Variants in TSTD1 observed in about 807,000 individuals in gnomAD.
TSTD1 encodes thiosulfate:glutathione sulfurtransferase.
In TSTD1, 7 loss-of-function variants were observed where a neutral mutation model predicts 12.6. The observed-to-expected ratio is 0.55, with a 90% CI of 0.32 to 1.04. The LOEUF is 1.04. TSTD1 is among the 50% of genes least tolerant of loss of function. TSTD1 has a pLI of 0.05. For synonymous variants in TSTD1, 73 were observed against 59.7 expected (o/e 1.22, Z -1.03); for missense variants, 156 against 151.0 (o/e 1.03, Z -0.17).
intron 1 of TSTD1, 81 bp from the exon 2 acceptor site, chr1:161,038,754 C>A: frequency 6.6e-7 from 1 of 1,519,556 alleles, no homozygotes; most frequent in Non-Finnish European, 8.9e-7. Context: ...CCTGGCAGCG[C>A]CCCTCCCGGT....
At position 161,037,904 on chromosome 1, in the gene TSTD1, TC is replaced by T. The variant is rs1650289732; in HGVS notation, c.296+8del. 1.3e-6 allele frequency: 2 copies of T among 1,551,568 alleles called. No individual in the cohort carries two copies. Among genetic ancestry groups the T allele is most frequent in the African/African-American group, 2.7e-5 (2 of 73,004 alleles). ...TCACCTCCCAGCTAGCAGCCACACC[TC>T]CCCGTACCCAGTGTATCCAAGACTC... On this transcript the variant is annotated splice_region_variant and intron_variant, in intron 3 of 3. Transcript: ENST00000423014.
rs758803632 is a variant in TSTD1 at position 161,038,065 on chromosome 1, C to T, written c.144G>A (p.Leu48=). ...PGALNIPVSE[L]ESALQMEPAA... ...CTGGCTCCATCTGCAGAGCACTCTCCAACTCGGACACTGGAGGAGTGGAGA... is the reference window on the plus strand; with the variant it reads ...CTGGCTCCATCTGCAGAGCACTCTCTAACTCGGACACTGGAGGAGTGGAGA... Residue 48 remains leucine (L), a synonymous_variant, in exon 3 of 4, where the codon TTG becomes TTA. Coordinates refer to ENST00000423014, the MANE Select transcript of TSTD1 (RefSeq NM_001113207.2). 2 of 1,551,540 alleles carry T rather than the reference C, an allele frequency of 1.3e-6. No homozygotes were observed. The highest frequency in any genetic ancestry group is 2.4e-5 in the South Asian group (2 of 84,054).
Position 161,038,922 on chromosome 1 carries a change from C to A in TSTD1, c.-33G>T. Reference sequence around the variant, plus strand: ...GTAGCAACCGCGAGTCTCCGGAGTGCGGCCCTGGCCCGCCCTCTCGGCGCC... The same window carrying A: ...GTAGCAACCGCGAGTCTCCGGAGTGAGGCCCTGGCCCGCCCTCTCGGCGCC... On this transcript the variant is annotated 5_prime_UTR_variant, in exon 1 of 4. Coordinates refer to ENST00000423014, the MANE Select transcript of TSTD1 (RefSeq NM_001113207.2). 1 of 1,548,856 alleles carries A rather than the reference C, an allele frequency of 6.5e-7. No individual in the cohort carries two copies. Among genetic ancestry groups the A allele is most frequent in the Non-Finnish European group, 8.7e-7 (1 of 1,144,862 alleles).
rs1650291601 is a variant in TSTD1 at position 161,037,942 on chromosome 1, C to T, written c.267G>A (p.Thr89=). 6.4e-7 allele frequency: 1 copy of T among 1,551,842 alleles called. No individual in the cohort carries two copies. The highest frequency in any genetic ancestry group is 8.7e-7 in the Non-Finnish European group (1 of 1,147,012). ...CQMGKRGLQA[T]QLARSLGYTG... Reference sequence around the variant, plus strand: ...TGTATCCAAGACTCCGGGCCAGCTGCGTGGCCTGGAGGCCCCGCTTGCCCA... The same window carrying T: ...TGTATCCAAGACTCCGGGCCAGCTGTGTGGCCTGGAGGCCCCGCTTGCCCA... The change falls in exon 3 of 4, where the codon ACG becomes ACA. Residue 89 remains threonine (T), a synonymous_variant. Coordinates refer to ENST00000423014, the MANE Select transcript of TSTD1 (RefSeq NM_001113207.2).
Position 161,037,923 on chromosome 1 carries a change from C to T in TSTD1, c.286G>A (p.Gly96Arg). Residue 96 changes from glycine to arginine, a missense_variant, in exon 3 of 4, where the codon GGA becomes AGA. Coordinates refer to ENST00000423014, the MANE Select transcript of TSTD1 (RefSeq NM_001113207.2). ...LQATQLARSLGYTGARNYAGA... is the reference protein window; with the variant it reads ...LQATQLARSLRYTGARNYAGA... ...CACACCTCCCCGTACCCAGTGTATC[C>T]AAGACTCCGGGCCAGCTGCGTGGCC... 1 of 1,551,856 alleles carries T rather than the reference C, an allele frequency of 6.4e-7. No homozygotes were observed. The highest frequency in any genetic ancestry group is 8.7e-7 in the Non-Finnish European group (1 of 1,147,034).
At chr1:161,038,327 CT>C (rs769984050) in intron 2 of TSTD1, 348 of 688,894 alleles carry the variant, frequency 5.1e-4, no homozygotes, top group Non-Finnish European at 7.5e-4. Context: ...TGGTCTGCCC[CT>C]CTCCTCTCCG....
intron 3 of TSTD1, 43 bp downstream of exon 3, chr1:161,037,870 C>T: frequency 6.4e-7 from 1 of 1,551,790 alleles, no homozygotes; most frequent in Non-Finnish European, 8.7e-7. Context: ...GAATGACAGG[C>T]AGTCCCCATC....
At chr1:161,037,890 C>T (rs1390502078) in intron 3 of TSTD1, 23 bp downstream of exon 3, 39 of 1,551,662 alleles carry the variant, frequency 2.5e-5, no homozygotes, top group Non-Finnish European at 2.9e-5. Context: ...CACCTCCCAG[C>T]TAGCAGCCAC....
intron 3 of TSTD1, 42 bp downstream of exon 3, chr1:161,037,871 A>G (rs576362933): frequency 1.9e-6 from 3 of 1,551,806 alleles, no homozygotes; most frequent in South Asian, 1.2e-5. Flanking sequence ...AATGACAGGC[A>G]GTCCCCATCA....
chr1:161,038,464 A>G, intron 2 of TSTD1, 87 bp downstream of exon 2: 2 of 1,417,438 alleles, frequency 1.4e-6, no homozygotes, highest in Non-Finnish European at 1.9e-6. Flanking sequence ...TGCCTTCCCC[A>G]TTCCATCCTA....
At position 161,038,584 on chromosome 1, in the gene TSTD1, C is replaced by G; in HGVS notation, c.100G>C (p.Ala34Pro). ...FDVRSREEAA[A>P]GTIPGALNIP... ...TTGAGCGCCCCTGGGATGGTCCCAG[C>G]TGCCGCCTCCTCGCGAGAGCGCACG... The change falls in exon 2 of 4, where the codon GCT becomes CCT. Residue 34 changes from alanine to proline, a missense_variant. Coordinates refer to ENST00000423014, the MANE Select transcript of TSTD1 (RefSeq NM_001113207.2). 1 of 1,549,988 alleles carries G rather than the reference C, an allele frequency of 6.5e-7. No homozygotes were observed. The highest frequency in any genetic ancestry group is 8.7e-7 in the Non-Finnish European group (1 of 1,145,664).
At chr1:161,038,744 C>T (rs767868510) in intron 1 of TSTD1, 71 bp from the exon 2 acceptor site, 5 of 1,521,606 alleles carry the variant, frequency 3.3e-6, no homozygotes, top group Admixed American at 4.0e-5. Context: ...CATCCCCTCA[C>T]CTGGCAGCGC....
chr1:161,038,963 T>G lies in TSTD1; in HGVS notation c.-74A>C. 6.5e-7 allele frequency: 1 copy of G among 1,545,828 alleles called. No individual in the cohort carries two copies. The highest frequency in any genetic ancestry group is 8.7e-7 in the Non-Finnish European group (1 of 1,143,106). ...TCTCGGCGCCTGCAACATCTCCCGTTCCCTCCCAGAGCTGAGACCGGATCC... is the reference window on the plus strand; with the variant it reads ...TCTCGGCGCCTGCAACATCTCCCGTGCCCTCCCAGAGCTGAGACCGGATCC... On this transcript the variant is annotated 5_prime_UTR_variant, in exon 1 of 4. Coordinates refer to ENST00000423014, the MANE Select transcript of TSTD1 (RefSeq NM_001113207.2).
rs1650285954 is a variant in TSTD1 at position 161,037,857 on chromosome 1, C to G, written c.297-31G>C. On this transcript the variant is annotated intron_variant, in intron 3 of 3. Transcript: ENST00000423014. ...GAGACAAAGAAGCGTGAGAGACTGACAGGAATGACAGGCAGTCCCCATCAC... is the reference window on the plus strand; with the variant it reads ...GAGACAAAGAAGCGTGAGAGACTGAGAGGAATGACAGGCAGTCCCCATCAC... 5.2e-6 allele frequency: 8 copies of G among 1,551,676 alleles called. No individual in the cohort carries two copies. In the East Asian group the frequency reaches 2.0e-4, roughly 38 times the overall value.
At chr1:161,038,452 A>G in intron 2 of TSTD1, 99 bp downstream of exon 2, 1 of 1,355,338 alleles carries the variant, frequency 7.4e-7, no homozygotes, top group East Asian at 2.6e-5. Context: ...CCCCATAATC[A>G]GTGCCTTCCC....
chr1:161,038,504 GA>G (rs1332423693), intron 2 of TSTD1, 46 bp downstream of exon 2: 1 of 1,494,640 alleles, frequency 6.7e-7, no homozygotes, highest in Non-Finnish European at 9.0e-7. Flanking sequence ...AGAACCTCCT[GA>G]ACGGTCTCTA....
At position 161,037,741 on chromosome 1, in the gene TSTD1, G is replaced by A. The variant is rs758927749; in HGVS notation, c.*34C>T. 1.3e-6 allele frequency: 2 copies of A among 1,551,458 alleles called. No homozygotes were observed. Among genetic ancestry groups the A allele is most frequent in the South Asian group, 2.4e-5 (2 of 84,060 alleles). ...CCTTAGTTAAGGTGGCCATTAAGGG[G>A]CCAGGGGGTGGCAATCAGTAAGCTG... On this transcript the variant is annotated 3_prime_UTR_variant, in exon 4 of 4. Coordinates refer to ENST00000423014, the MANE Select transcript of TSTD1 (RefSeq NM_001113207.2).
Position 161,038,066 on chromosome 1 carries a change from A to G in TSTD1, c.143T>C (p.Leu48Ser). The change falls in exon 3 of 4, where the codon TTG (leucine) becomes TCG (serine). Residue 48 changes from leucine (L) to serine (S), a missense_variant. Physicochemically the swap from Leu to Ser is moderately radical, Grantham distance 145. Coordinates refer to ENST00000423014, the MANE Select transcript of TSTD1 (RefSeq NM_001113207.2). ...PGALNIPVSE[L>S]ESALQMEPAA... ...TGGCTCCATCTGCAGAGCACTCTCC[A>G]ACTCGGACACTGGAGGAGTGGAGAG... The G allele has an allele frequency of 6.4e-7, 1 of 1,551,566 alleles. No individual in the cohort carries two copies. Among genetic ancestry groups the G allele is most frequent in the Non-Finnish European group, 8.7e-7 (1 of 1,146,992 alleles).
Position 161,038,648 on chromosome 1 carries a change from G to A in TSTD1, c.36C>T (p.Leu12=), listed in dbSNP as rs1557902933. 2 of 1,549,468 alleles carry A rather than the reference G, an allele frequency of 1.3e-6. No individual in the cohort carries two copies. The highest frequency in any genetic ancestry group is 1.7e-4 in the Middle Eastern group (1 of 6,006). Residue 12 remains leucine (L), a synonymous_variant, in exon 2 of 4, where the codon CTC becomes CTT. Transcript: ENST00000423014. ...CCCGTCCGGAGGCTAGGAGTGAACG[G>A]AGTTCAGGAAGCGAGACCGTGGGCG... ...AGAPTVSLPE[L]RSLLASGRAR... is the part of the protein sequence containing the mutation.
Sources: gnomAD v4.1 joint callset for allele counts on GRCh38, gnomAD v4.1.1 for gene constraint, MANE v1.5 for transcripts, NCBI Gene and HGNC (gene_info 2026-07-23, HGNC 2026-07-21) for gene names.